YIF1B: variants seen among roughly 807,000 people sequenced by gnomAD.
The protein encoded by YIF1B is Yip1 interacting factor homolog B, membrane trafficking protein.
YIF1B carries 24 observed loss-of-function variants against 34.6 expected under a neutral mutation model. That is an observed-to-expected ratio of 0.69 (90% CI 0.50 to 0.98). The LOEUF is 0.98. Among genes scored for constraint, YIF1B ranks in the 50% least tolerant of loss-of-function variants. YIF1B has a pLI of 0.00. For synonymous variants in YIF1B, 186 were observed against 184.8 expected (o/e 1.01, Z -0.05); for missense variants, 368 against 429.4 (o/e 0.86, Z 1.26).
At position 38,304,502 on chromosome 19, in the gene YIF1B, C is replaced by A; in HGVS notation, c.*850G>T. 1.3e-6 allele frequency: 2 copies of A among 1,559,870 alleles called. No individual in the cohort carries two copies. Among genetic ancestry groups the A allele is most frequent in the South Asian group, 1.2e-5 (1 of 85,628 alleles). On this transcript the variant is annotated 3_prime_UTR_variant, in exon 8 of 8. Coordinates refer to ENST00000339413, the MANE Select transcript of YIF1B (RefSeq NM_001039672.3). The stretch of plus-strand genomic sequence containing the variant: ...GTCCGGGTCCAAAGGTAAGTCGCCT[C>A]ATCACCGGCTGCGGAGGGGCGGGAA...
In YIF1B at chr19:38,309,393, C is replaced by A; in HGVS notation, c.297+12G>T. On this transcript the variant is annotated intron_variant, in intron 2 of 7. Coordinates refer to ENST00000339413, the MANE Select transcript of YIF1B (RefSeq NM_001039672.3). ...GTGCATCCCCCCACTCCCACCAGCC[C>A]CGCCCACTCACGTTCTTATCCACCA... 1 of 1,612,678 alleles carries A rather than the reference C, an allele frequency of 6.2e-7. No homozygotes were observed. Among genetic ancestry groups the A allele is most frequent in the Non-Finnish European group, 8.5e-7 (1 of 1,179,076 alleles).
intron 1 of YIF1B, among the ~76,000 whole-genome samples, chr19:38,314,616 CTTTTTTTTTTT>C (rs911022609): frequency 2.4e-5 from 2 of 82,324 alleles, no homozygotes; most frequent in Non-Finnish European, 4.5e-5. Context: ...GGATCACCCT[CTTTTTTTTTTT>C]TTTTTTTTTT....
upstream of YIF1B, among the ~76,000 whole-genome samples, chr19:38,318,847 G>A (rs1969612584): frequency 6.6e-6 from 1 of 152,130 alleles, no homozygotes; most frequent in South Asian, 2.1e-4. Context: ...CTGAGTTCTG[G>A]CTGGAGGCAG....
Position 38,304,885 on chromosome 19 carries a change from G to C in YIF1B, c.*467C>G. On this transcript the variant is annotated 3_prime_UTR_variant, in exon 8 of 8. Transcript: ENST00000339413. ...TCCAAGCAGCACGAGAGCATCCCGG[G>C]CAAGGCCAAGAAGCCCAAAGTGAAG... 1 of 1,610,672 alleles carries C rather than the reference G, an allele frequency of 6.2e-7. No individual in the cohort carries two copies. Among genetic ancestry groups the C allele is most frequent in the Non-Finnish European group, 8.5e-7 (1 of 1,178,268 alleles).
intron 1 of YIF1B, 41 bp from the exon 2 acceptor site, chr19:38,309,684 T>C: frequency 6.4e-7 from 1 of 1,569,756 alleles, no homozygotes; most frequent in Non-Finnish European, 8.6e-7. Context: ...GGACCCAGGA[T>C]AGGTAAGGGA....
In YIF1B at chr19:38,309,408, C is replaced by T; in HGVS notation, c.294G>A (p.Lys98=). 1 of 1,612,844 alleles carries T rather than the reference C, an allele frequency of 6.2e-7. No individual in the cohort carries two copies. Among genetic ancestry groups the T allele is most frequent in the Non-Finnish European group, 8.5e-7 (1 of 1,179,168 alleles). The change falls in exon 2 of 8, where the codon AAG becomes AAA. Residue 98 remains lysine, a synonymous_variant. Transcript: ENST00000339413. The part of the protein sequence containing the change: ...LAAQGKELVD[K]NIDRFIPITK... ...CCCACCAGCCCCGCCCACTCACGTTCTTATCCACCAGCTCCTTGCCCTGCG... is the reference window on the plus strand; with the variant it reads ...CCCACCAGCCCCGCCCACTCACGTTTTTATCCACCAGCTCCTTGCCCTGCG...
upstream of YIF1B, chr19:38,319,696 G>C (rs1449386348): frequency 6.6e-6 from 3 of 454,866 alleles, no homozygotes; most frequent in East Asian, 7.3e-5. Context: ...TTTCCATCCC[G>C]TTGGTCTGCT....
chr19:38,318,733 G>A (rs1444671649), upstream of YIF1B, among the ~76,000 whole-genome samples: 4 of 152,126 alleles, frequency 2.6e-5, no homozygotes, highest in African/African-American at 9.7e-5. Flanking sequence ...CTCTTTAATA[G>A]AACCAGCTGG....
At chr19:38,312,706 C>A (rs1805044153) in intron 1 of YIF1B, among the ~76,000 whole-genome samples, 1 of 151,874 alleles carries the variant, frequency 6.6e-6, no homozygotes, top group African/African-American at 2.4e-5. Flanking sequence ...TTTCTCTGCA[C>A]CTGGATGTTC....
Position 38,315,940 on chromosome 19 carries a change from C to A in YIF1B, c.-23G>T. ...CATCCTTCGCCGCCGCCACCTAAGC[C>A]GCGGTTCGGAGCGTGCCCGCCCGGC... On this transcript the variant is annotated 5_prime_UTR_variant, in exon 1 of 8. Transcript: ENST00000339413. The A allele has an allele frequency of 1.4e-6, 2 of 1,433,640 alleles. No individual in the cohort carries two copies. The highest frequency in any genetic ancestry group is 1.8e-6 in the Non-Finnish European group (2 of 1,102,370). The allele number at this position is 1,433,640 out of a possible 1,614,324, so 88.8% of individuals were successfully genotyped here. A position where few individuals can be genotyped will look rare whatever the true frequency, so the allele number is the denominator to read the frequency against.
chr19:38,305,261 T>G lies in YIF1B; in HGVS notation c.*91A>C, dbSNP rs1242629390. The G allele has an allele frequency of 2.0e-6, 3 of 1,505,842 alleles. No homozygotes were observed. The highest frequency in any genetic ancestry group is 2.7e-6 in the Non-Finnish European group (3 of 1,125,336). The allele number at this position is 1,505,842 out of a possible 1,614,324, so 93.3% of individuals were successfully genotyped here. ...AGGCGGTGCCTGTGGCCAGACAGGGTGGACCTTGGGGCCTGCAGGCAGGAG... is the reference window on the plus strand; with the variant it reads ...AGGCGGTGCCTGTGGCCAGACAGGGGGGACCTTGGGGCCTGCAGGCAGGAG... On this transcript the variant is annotated 3_prime_UTR_variant, in exon 8 of 8. Coordinates refer to ENST00000339413, the MANE Select transcript of YIF1B (RefSeq NM_001039672.3).
upstream of YIF1B, chr19:38,319,891 C>A: frequency 7.4e-7 from 1 of 1,355,228 alleles, no homozygotes; most frequent in South Asian, 1.7e-5. Context: ...GCCAGACGGT[C>A]CGGAGGCGGG....
Position 38,307,414 on chromosome 19 carries a change from C to G in YIF1B, c.789+14G>C, listed in dbSNP as rs201525690. 6.8e-6 allele frequency: 11 copies of G among 1,613,080 alleles called. No homozygotes were observed. Among genetic ancestry groups the G allele is most frequent in the African/African-American group, 4.0e-5 (3 of 74,826 alleles). On this transcript the variant is annotated intron_variant, in intron 7 of 7. Coordinates refer to ENST00000339413, the MANE Select transcript of YIF1B (RefSeq NM_001039672.3). ...ACCTGTGCCTCAGCCTCACCAGCCC[C>G]GAGCCCAGCTCACCATGAACACAAA... is the stretch of plus-strand genomic sequence containing the variant.
Position 38,309,210 on chromosome 19 carries a change from C to T in YIF1B, c.402+14G>A, listed in dbSNP as rs531332699. The T allele has an allele frequency of 2.1e-5, 34 of 1,613,414 alleles. No individual in the cohort carries two copies. Among genetic ancestry groups the T allele is most frequent in the Middle Eastern group, 1.7e-4 (1 of 6,058 alleles). The stretch of plus-strand genomic sequence containing the variant: ...AGGCCCACTGCAGACCCACATTCCC[C>T]TGGGGGTGCTGACCTGGTGTAGGTA... On this transcript the variant is annotated intron_variant, in intron 3 of 7. Transcript: ENST00000339413.
At chr19:38,315,771 CGTGACCTCTGACCTGCA>C (rs762793690) in intron 1 of YIF1B, 72 bp downstream of exon 1, 1 of 1,599,372 alleles carries the variant, frequency 6.3e-7, no homozygotes, top group Non-Finnish European at 8.5e-7. Flanking sequence ...TCCTTGATCT[CGTGACCTCTGACCTGCA>C]GTGACCTCGC....
intron 3 of YIF1B, 69 bp from the exon 4 acceptor site, chr19:38,309,126 C>G: frequency 6.4e-7 from 1 of 1,565,222 alleles, no homozygotes; most frequent in Admixed American, 1.8e-5. Flanking sequence ...AGGCCCTCCT[C>G]CCTCGAGGCG....
rs58126134 is a variant in YIF1B at position 38,312,998 on chromosome 19, C to A, written c.58+2862G>T. Among the ~76,000 whole-genome samples the A allele has an allele frequency of 6.9e-3, 1,045 of 152,248 alleles. 14 individuals carry two copies. Among genetic ancestry groups the A allele is most frequent in the African/African-American group, 0.024 (1,006 of 41,548 alleles). On this transcript the variant is annotated intron_variant, in intron 1 of 7. Coordinates refer to ENST00000339413, the MANE Select transcript of YIF1B (RefSeq NM_001039672.3). Reference sequence around the variant, plus strand: ...CAGATTCTCGCTCTTGTCACCCAGGCTGGAGTGCAATGGTGCGATCTCGGC... The same window carrying A: ...CAGATTCTCGCTCTTGTCACCCAGGATGGAGTGCAATGGTGCGATCTCGGC...
rs376665545 is a variant in YIF1B, at chr19:38,309,026, G to A, written c.434C>T (p.Pro145Leu). 1.5e-5 allele frequency: 23 copies of A among 1,561,582 alleles called. No individual in the cohort carries two copies. The highest frequency in any genetic ancestry group is 4.6e-5 in the East Asian group (2 of 43,218). Residue 145 changes from proline to leucine, a missense_variant, in exon 4 of 8, where the codon CCG becomes CTG. Physicochemically the swap from Pro to Leu is moderately conservative, Grantham distance 98 (BLOSUM62 -3). This residue lies in a region of YIF1B where 208 missense variants were observed against 247.8 expected (regional missense o/e 0.84). Transcript: ENST00000339413. ...ATTGACGTCAAAGCGGGGGGCCACC[G>A]GGGTGTCCTGTTGGTACTGCACTTC... ...DWEVQYQQDT[P>L]VAPRFDVNAP...
In YIF1B at chr19:38,309,652, G is replaced by T; in HGVS notation, c.59-9C>A. 2 of 1,593,686 alleles carry T rather than the reference G, an allele frequency of 1.3e-6. No individual in the cohort carries two copies. The highest frequency in any genetic ancestry group is 1.7e-6 in the Non-Finnish European group (2 of 1,172,832). On this transcript the variant is annotated splice_polypyrimidine_tract_variant and intron_variant, in intron 1 of 7. Coordinates refer to ENST00000339413, the MANE Select transcript of YIF1B (RefSeq NM_001039672.3). Reference sequence around the variant, plus strand: ...GATCCTCCGCTTCGAGGCTGCAAGGGAAGAGAGTGAGAAGGAGCTGGGGAC... The same window carrying T: ...GATCCTCCGCTTCGAGGCTGCAAGGTAAGAGAGTGAGAAGGAGCTGGGGAC...
Sources: gnomAD v4.1 joint callset for allele counts (sites outside exome capture counted in the v4.1 genomes callset) on GRCh38, gnomAD v4.1.1 for gene constraint, gnomAD v4.1.1 regional missense constraint, MANE v1.5 for transcripts, NCBI Gene and HGNC (gene_info 2026-07-23, HGNC 2026-07-21) for gene names.